The following GARRE1 variants were observed in gnomAD, a reference collection of about 807,000 sequenced individuals.
GARRE1 encodes granule associated Rac and RHOG effector protein 1.
In GARRE1, 49 loss-of-function variants were observed where a neutral mutation model predicts 103.2. That is an observed-to-expected ratio of 0.47 (90% CI 0.38 to 0.60). The LOEUF (loss-of-function observed/expected upper bound fraction) is 0.60, where lower values mean the gene tolerates loss of function less well. Ranked by LOEUF, GARRE1 falls within the 20% of genes least tolerant of loss-of-function variation. The probability of loss-of-function intolerance (pLI) is 0.00; values close to 1 mark genes in which losing one functional copy is unlikely to be tolerated. For synonymous variants in GARRE1, 505 were observed against 532.8 expected (o/e 0.95, Z 0.72); for missense variants, 1,199 against 1,370.5 (o/e 0.87, Z 1.98).
intron 3 of GARRE1, among the ~76,000 whole-genome samples, chr19:34,324,901 A>G (rs16969189): frequency 0.13 from 19,112 of 152,178 alleles, 1,482 homozygotes; most frequent in East Asian, 0.22. Flanking sequence ...TACATAAGGT[A>G]TTATTTTACA....
At chr19:34,326,352 C>T (rs1344140707) in intron 3 of GARRE1, among the ~76,000 whole-genome samples, 6 of 152,198 alleles carry the variant, frequency 3.9e-5, no homozygotes, top group African/African-American at 1.2e-4. Context: ...TTACTTGGTT[C>T]ACAGAATTGC....
In GARRE1 at chr19:34,348,954, G is replaced by A. The variant is rs376460051; in HGVS notation, c.2688-62G>A. 4.4e-6 allele frequency: 7 copies of A among 1,593,954 alleles called. No individual in the cohort carries two copies. The African/African-American group carries it at 5.3e-5, about 12-fold the overall frequency. ...GCAGGGTAAGGACTGCCCTTTCAGG[G>A]TGGGGTGGCGGGTGGTGGGGCTGCA... On this transcript the variant is annotated intron_variant, in intron 11 of 13. Coordinates refer to ENST00000299505, the MANE Select transcript of GARRE1 (RefSeq NM_014686.5).
At chr19:34,298,483 C>T (rs554376795) in intron 1 of GARRE1, among the ~76,000 whole-genome samples, 6 of 151,002 alleles carry the variant, frequency 4.0e-5, no homozygotes, top group Non-Finnish European at 7.4e-5. Context: ...GAGGCCGAGA[C>T]GGGTGGATCA....
Position 34,330,261 on chromosome 19 carries a change from A to T in GARRE1, c.1177A>T (p.Thr393Ser), listed in dbSNP as rs758271896. 1.2e-6 allele frequency: 2 copies of T among 1,614,182 alleles called. No homozygotes were observed. The highest frequency in any genetic ancestry group is 2.2e-5 in the South Asian group (2 of 91,088). ...GITSRDDFPV[T>S]EVLNQVCPST... The stretch of plus-strand genomic sequence containing the variant: ...CACATCCAGGGATGATTTTCCTGTG[A>T]CTGAAGTGCTGAACCAGGTTTGCCC... The change falls in exon 7 of 14, where the codon ACT (threonine) becomes TCT (serine). Residue 393 changes from threonine to serine, a missense_variant. By Grantham distance (58) the Thr-to-Ser change is moderately conservative. Coordinates refer to ENST00000299505, the MANE Select transcript of GARRE1 (RefSeq NM_014686.5).
chr19:34,326,993 A>G (rs539240750), intron 3 of GARRE1, among the ~76,000 whole-genome samples: 4 of 152,016 alleles, frequency 2.6e-5, no homozygotes, highest in South Asian at 2.1e-4. Flanking sequence ...TGTCTCTACT[A>G]AAAATACAAA....
At chr19:34,329,937 G>A (rs182212045) in intron 6 of GARRE1, among the ~76,000 whole-genome samples, 3 of 152,290 alleles carry the variant, frequency 2.0e-5, no homozygotes, top group East Asian at 3.9e-4. Flanking sequence ...AATTAGCTGA[G>A]TGTGGTGGTG....
chr19:34,303,963 A>T (rs937368365), intron 2 of GARRE1, among the ~76,000 whole-genome samples: 1 of 152,118 alleles, frequency 6.6e-6, no homozygotes, highest in Non-Finnish European at 1.5e-5. Flanking sequence ...TGTAAAAGTC[A>T]GCTTTACTTT....
chr19:34,308,928 C>T (rs2074024101), intron 2 of GARRE1, among the ~76,000 whole-genome samples: 1 of 152,116 alleles, frequency 6.6e-6, no homozygotes, highest in Non-Finnish European at 1.5e-5. Context: ...TGAGGAACCG[C>T]ATTTGGGAGA....
At chr19:34,330,401 T>C in intron 7 of GARRE1, 54 bp downstream of exon 7, 1 of 1,563,186 alleles carries the variant, frequency 6.4e-7, no homozygotes, top group Non-Finnish European at 8.8e-7. Flanking sequence ...GTTTCAAGCA[T>C]GTGAGGATGT....
chr19:34,294,058 G>A (rs1389061872), intron 1 of GARRE1, among the ~76,000 whole-genome samples: 2 of 151,778 alleles, frequency 1.3e-5, no homozygotes, highest in East Asian at 1.9e-4. Flanking sequence ...CACTGTGCCC[G>A]GTTGCATAAA....
intron 8 of GARRE1, among the ~76,000 whole-genome samples, chr19:34,335,556 C>T (rs2074156997): frequency 6.6e-6 from 1 of 152,218 alleles, no homozygotes; most frequent in Non-Finnish European, 1.5e-5. Flanking sequence ...GACAGAATCT[C>T]GGTCTGTCGC....
chr19:34,301,746 G>C (rs2073980285), intron 2 of GARRE1, among the ~76,000 whole-genome samples: 2 of 146,278 alleles, frequency 1.4e-5, no homozygotes, highest in Admixed American at 6.8e-5. Flanking sequence ...GCGGTGGCAC[G>C]ATCTCGGCTC....
rs1050617245 is a variant in GARRE1, at chr19:34,332,128, G to A, written c.1264-1576G>A. On this transcript the variant is annotated intron_variant, in intron 7 of 13. Transcript: ENST00000299505. The stretch of plus-strand genomic sequence containing the variant: ...AAAGAGCTATTGAGGGTATACTGTC[G>A]TTTTGTTTCAAGCGGGTTAGGGCTC... Among the ~76,000 whole-genome samples, 10 of 152,118 alleles carry A rather than the reference G, an allele frequency of 6.6e-5. 1 individual carries two copies. Among genetic ancestry groups the A allele is most frequent in the African/African-American group, 7.2e-5 (3 of 41,426 alleles).
rs1239155879 is a variant in GARRE1, at chr19:34,307,787, TACTATAAAAAAAAA to T, written c.495+6821_495+6834del. On this transcript the variant is annotated intron_variant, in intron 2 of 13. Transcript: ENST00000299505. ...GTATATATATACTATAAAATATATA[TACTATAAAAAAAAA>T]ATATATATATATATTTTTTTTTTTT... Among the ~76,000 whole-genome samples, 12 of 131,010 alleles carry T rather than the reference TACTATAAAAAAAAA, an allele frequency of 9.2e-5. No homozygotes were observed. The East Asian group carries it at 2.4e-3, about 26-fold the overall frequency. 85.9% of individuals were successfully genotyped at this position (131,010 alleles called of 152,430 possible).
chr19:34,351,715 C>T, intron 13 of GARRE1, 123 bp downstream of exon 13: 1 of 700,592 alleles, frequency 1.4e-6, no homozygotes, highest in Non-Finnish European at 2.5e-6. Context: ...TGATTAGCCA[C>T]CTCAGCTGAC....
intron 1 of GARRE1, among the ~76,000 whole-genome samples, chr19:34,258,147 G>A (rs185614935): frequency 1.3e-5 from 2 of 152,258 alleles, no homozygotes; most frequent in East Asian, 3.9e-4. Context: ...TTACAGGCGT[G>A]AGACACCACG....
chr19:34,277,912 C>A (rs1030970217), intron 1 of GARRE1, among the ~76,000 whole-genome samples: 1 of 83,346 alleles, frequency 1.2e-5, no homozygotes, highest in Non-Finnish European at 2.4e-5. Flanking sequence ...CCCCCCCCCC[C>A]CACCCCCAGC....
At chr19:34,311,649 T>C (rs1257181131) in intron 2 of GARRE1, among the ~76,000 whole-genome samples, 1 of 152,240 alleles carries the variant, frequency 6.6e-6, no homozygotes, top group African/African-American at 2.4e-5. Context: ...TCGCTCTTGT[T>C]GTCCAGGCTG....
chr19:34,318,831 C>A (rs1048082551), intron 2 of GARRE1, among the ~76,000 whole-genome samples: 1 of 152,046 alleles, frequency 6.6e-6, no homozygotes, highest in African/African-American at 2.4e-5. Flanking sequence ...CACCTGAGGT[C>A]AGGAATTCAA....
Sources: allele counts gnomAD v4.1 joint callset (sites outside exome capture counted in the v4.1 genomes callset), GRCh38; gene constraint gnomAD v4.1.1; transcripts MANE v1.5; gene names NCBI Gene and HGNC (gene_info 2026-07-23, HGNC 2026-07-21).